RBPJ: variants seen among roughly 807,000 people sequenced by gnomAD.
The protein encoded by RBPJ is recombination signal binding protein for immunoglobulin kappa J region.
Under a neutral mutation model 67.8 loss-of-function variants are expected in RBPJ, and 9 were observed. That is an observed-to-expected ratio of 0.13 (90% CI 0.08 to 0.23). The LOEUF (loss-of-function observed/expected upper bound fraction) is 0.23, where lower values mean the gene tolerates loss of function less well. Among genes scored for constraint, RBPJ ranks in the 10% least tolerant of loss-of-function variants. The pLI is 1.00. For synonymous variants in RBPJ, 198 were observed against 203.3 expected (o/e 0.97, Z 0.22); for missense variants, 305 against 595.6 (o/e 0.51, Z 5.08).
chr4:26,360,155 A>G (rs1251777589), intron 1 of RBPJ, among the ~76,000 whole-genome samples: 1 of 152,236 alleles, frequency 6.6e-6, no homozygotes, highest in East Asian at 1.9e-4. Flanking sequence ...TTCTCAAAAT[A>G]TTAATATAAT....
chr4:26,430,827 C>T lies in RBPJ; in HGVS notation c.1284C>T (p.Thr428=), dbSNP rs34869653. ...GAATCATTTATTCCACCAGCCTTACCTTTACCTACACACCAGAACCAGGGC... is the reference window on the plus strand; with the variant it reads ...GAATCATTTATTCCACCAGCCTTACTTTTACCTACACACCAGAACCAGGGC... The part of the protein sequence containing the change: ...NDGIIYSTSL[T]FTYTPEPGPR... The change falls in exon 11 of 11, where the codon ACC becomes ACT. Residue 428 remains threonine (T), a synonymous_variant. Transcript: ENST00000355476. The surrounding 1 kb of genome is among the most constrained non-coding windows in gnomAD (Gnocchi z 4.1). 16,620 of 1,614,024 alleles carry T rather than the reference C, an allele frequency of 0.01. 112 individuals are homozygous for T. Among genetic ancestry groups the T allele is most frequent in the Middle Eastern group, 0.019 (117 of 6,062 alleles).
chr4:26,374,002 T>C (rs1414287201), intron 1 of RBPJ, among the ~76,000 whole-genome samples: 1 of 141,072 alleles, frequency 7.1e-6, no homozygotes, highest in Non-Finnish European at 1.5e-5. Context: ...CACTGCAGCC[T>C]CCGCCTCCTG....
chr4:26,229,528 C>T (rs1046748968), intron 1 of RBPJ, among the ~76,000 whole-genome samples: 2 of 152,150 alleles, frequency 1.3e-5, no homozygotes, highest in Admixed American at 1.3e-4. Context: ...AGTACCTGCC[C>T]CTTTAATTTT....
At chr4:26,336,655 C>T (rs1404889762) in intron 1 of RBPJ, among the ~76,000 whole-genome samples, 4 of 137,960 alleles carry the variant, frequency 2.9e-5, no homozygotes, top group Admixed American at 2.9e-4. Flanking sequence ...GTTTCTTTAC[C>T]AAAAAAAAAA....
intron 1 of RBPJ, among the ~76,000 whole-genome samples, chr4:26,337,951 C>T (rs1462362638): frequency 6.6e-6 from 1 of 151,772 alleles, no homozygotes; most frequent in Non-Finnish European, 1.5e-5. Flanking sequence ...CTTTTATTTT[C>T]CACATATTAC....
chr4:26,279,698 A>T (rs182075899), intron 1 of RBPJ, among the ~76,000 whole-genome samples: 1 of 151,794 alleles, frequency 6.6e-6, no homozygotes, highest in African/African-American at 2.4e-5. Context: ...TCCTAAGAAG[A>T]TGGCAGGTTT....
chr4:26,287,484 T>TGGA (rs1463585333), intron 1 of RBPJ, among the ~76,000 whole-genome samples: 3 of 149,888 alleles, frequency 2.0e-5, no homozygotes, highest in Non-Finnish European at 4.4e-5. Flanking sequence ...GTCAGGGAGA[T>TGGA]GGAGGCTACA....
chr4:26,135,354 T>TC, the RBPJ span, among the ~76,000 whole-genome samples: 1 of 152,044 alleles, frequency 6.6e-6, no homozygotes, highest in Non-Finnish European at 1.5e-5. Flanking sequence ...AGTGTGTGTA[T>TC]CCCCACTTTA....
At chr4:26,200,995 A>C (rs1717962806) in intron 1 of RBPJ, among the ~76,000 whole-genome samples, 1 of 152,196 alleles carries the variant, frequency 6.6e-6, no homozygotes, top group African/African-American at 2.4e-5. Flanking sequence ...TGCTGTTCCA[A>C]AACCAAATTG....
intron 1 of RBPJ, among the ~76,000 whole-genome samples, chr4:26,381,024 G>T (rs567769050): frequency 4.3e-3 from 544 of 126,988 alleles, no homozygotes; most frequent in Middle Eastern, 8.2e-3. Context: ...TTGCTTTTTG[G>T]TTTTTTTTTT....
chr4:26,334,701 C>T (rs1724629798), intron 1 of RBPJ, among the ~76,000 whole-genome samples: 1 of 152,160 alleles, frequency 6.6e-6, no homozygotes, highest in Non-Finnish European at 1.5e-5. Context: ...CACCCCAGGC[C>T]ATCAGTAAAT....
chr4:26,175,247 C>T (rs1216098508), intron 1 of RBPJ, among the ~76,000 whole-genome samples: 2 of 152,154 alleles, frequency 1.3e-5, no homozygotes, highest in African/African-American at 4.8e-5. Context: ...GCCTGGAATT[C>T]GGATGCTCAG....
chr4:26,315,167 A>AAAAATATATAT (rs1325689348), upstream of RBPJ, among the ~76,000 whole-genome samples: 16 of 74,750 alleles, frequency 2.1e-4, no homozygotes, highest in African/African-American at 4.7e-4. Context: ...AAAAAAAAAA[A>AAAAATATATAT]ATATATATAT....
chr4:26,138,537 C>T, the RBPJ span, among the ~76,000 whole-genome samples: 1 of 152,192 alleles, frequency 6.6e-6, no homozygotes, highest in African/African-American at 2.4e-5. Flanking sequence ...CTATCCTTTC[C>T]CTTCTCCCAC....
chr4:26,140,234 C>T, the RBPJ span, among the ~76,000 whole-genome samples: 1 of 152,252 alleles, frequency 6.6e-6, no homozygotes, highest in African/African-American at 2.4e-5. Context: ...GAAGAGGACA[C>T]AGGGGCCTCC....
intron 1 of RBPJ, among the ~76,000 whole-genome samples, chr4:26,254,622 T>C (rs549641124): frequency 6.7e-6 from 1 of 148,626 alleles, no homozygotes; most frequent in South Asian, 2.1e-4. Flanking sequence ...CTATACATGC[T>C]ACGTGAATGT....
chr4:26,335,997 G>T (rs756619276), intron 1 of RBPJ, among the ~76,000 whole-genome samples: 3 of 152,092 alleles, frequency 2.0e-5, no homozygotes, highest in Admixed American at 6.6e-5. Context: ...GGGGGATCTG[G>T]TCACCTAATT....
chr4:26,416,213 T>C (rs982070688), intron 4 of RBPJ, among the ~76,000 whole-genome samples: 4 of 152,114 alleles, frequency 2.6e-5, no homozygotes. Context: ...TATCAGCTAG[T>C]TTTACTGATT....
At chr4:26,136,389 C>T in the RBPJ span, among the ~76,000 whole-genome samples, 4 of 152,352 alleles carry the variant, frequency 2.6e-5, no homozygotes, top group East Asian at 7.7e-4. Flanking sequence ...AGTCCTGCCC[C>T]AGGAGCCCTT....
Sources: allele counts gnomAD v4.1 joint callset (sites outside exome capture counted in the v4.1 genomes callset), GRCh38; gene constraint gnomAD v4.1.1; non-coding constraint Gnocchi (gnomAD v3.1); transcripts MANE v1.5; gene names NCBI Gene and HGNC (gene_info 2026-07-23, HGNC 2026-07-21).